Variants in SULT6B1 observed in about 807,000 individuals in gnomAD.
The protein encoded by SULT6B1 is sulfotransferase family 6B member 1, also known as sulfotransferase 6B1.
Under a neutral mutation model 37.2 loss-of-function variants are expected in SULT6B1, and 44 were observed. The ratio of observed to expected loss-of-function variants is 1.18; its 90% CI spans 0.93 to 1.52. The LOEUF is 1.52. Among genes scored for constraint, SULT6B1 ranks in the 40% most tolerant of loss-of-function variants. SULT6B1 has a pLI of 0.00. For missense variants in SULT6B1, 450 were observed against 361.0 expected (o/e 1.25, Z -2.00); for synonymous variants, 140 against 126.0 (o/e 1.11, Z -0.74).
intron 6 of SULT6B1, among the ~76,000 whole-genome samples, chr2:37,170,925 C>T (rs1042825081): frequency 1.3e-5 from 2 of 151,512 alleles, no homozygotes; most frequent in Non-Finnish European, 2.9e-5. Context: ...GACTCTCAAC[C>T]GCAGAAAGGA....
chr2:37,185,962 G>C (rs552332801), intron 2 of SULT6B1, among the ~76,000 whole-genome samples: 2 of 152,094 alleles, frequency 1.3e-5, no homozygotes, highest in African/African-American at 2.4e-5. Context: ...CTTTGGTACA[G>C]GTGACCCTCC....
intron 5 of SULT6B1, 38 bp from the exon 6 acceptor site, chr2:37,171,628 T>A (rs1374193090): frequency 6.3e-7 from 1 of 1,596,762 alleles, no homozygotes; most frequent in South Asian, 1.1e-5. Flanking sequence ...TTTCTTCCTA[T>A]GGAAATTGTT....
chr2:37,182,253 A>ATTTT (rs56665951), intron 3 of SULT6B1, among the ~76,000 whole-genome samples: 3 of 137,402 alleles, frequency 2.2e-5, no homozygotes, highest in African/African-American at 5.5e-5. Flanking sequence ...CAGAAGTTAA[A>ATTTT]TTTTTTTTTT....
intron 1 of SULT6B1, among the ~76,000 whole-genome samples, chr2:37,193,721 G>A (rs1364331648): frequency 3.3e-5 from 5 of 152,130 alleles, no homozygotes; most frequent in Admixed American, 2.6e-4. Context: ...AGGTGAAGAT[G>A]GGAGAATGGA....
chr2:37,176,457 A>T (rs1302567501), intron 4 of SULT6B1, among the ~76,000 whole-genome samples: 2 of 151,804 alleles, frequency 1.3e-5, no homozygotes, highest in African/African-American at 4.8e-5. Context: ...ACGAGGTTTC[A>T]CCATATTGGT....
intron 3 of SULT6B1, among the ~76,000 whole-genome samples, chr2:37,182,459 TA>T (rs1479868986): frequency 3.3e-5 from 5 of 152,046 alleles, no homozygotes; most frequent in Non-Finnish European, 7.4e-5. Flanking sequence ...GTTTTGCCAT[TA>T]AAAGTAATTC....
At chr2:37,191,004 G>C (rs1676769027), upstream of SULT6B1, among the ~76,000 whole-genome samples, 1 of 151,996 alleles carries the variant, frequency 6.6e-6, no homozygotes, top group Non-Finnish European at 1.5e-5. Context: ...GAGAGGGAAG[G>C]AATGAAGGGG....
intron 3 of SULT6B1, among the ~76,000 whole-genome samples, chr2:37,180,632 C>G (rs1676530161): frequency 2.0e-5 from 3 of 152,128 alleles, no homozygotes; most frequent in Non-Finnish European, 4.4e-5. Context: ...GCCTGTTATC[C>G]CAGCACTTTG....
intron 3 of SULT6B1, among the ~76,000 whole-genome samples, chr2:37,182,237 A>C (rs1348186852): frequency 6.9e-6 from 1 of 144,402 alleles, no homozygotes; most frequent in Non-Finnish European, 1.5e-5. Flanking sequence ...TCTTGCTAGC[A>C]TTCGGCAGAA....
At chr2:37,168,517 G>A (rs1244730079) in intron 6 of SULT6B1, among the ~76,000 whole-genome samples, 1 of 152,078 alleles carries the variant, frequency 6.6e-6, no homozygotes, top group African/African-American at 2.4e-5. Context: ...ATATCCATTG[G>A]GACTCCACCA....
chr2:37,193,984 A>T (rs972945618), intron 1 of SULT6B1, among the ~76,000 whole-genome samples: 1 of 152,228 alleles, frequency 6.6e-6, no homozygotes, highest in African/African-American at 2.4e-5. Flanking sequence ...CTTATCTCAA[A>T]ATGTCAAGCT....
intron 4 of SULT6B1, among the ~76,000 whole-genome samples, chr2:37,178,335 A>T (rs1676475239): frequency 6.6e-6 from 1 of 152,054 alleles, no homozygotes; most frequent in Admixed American, 6.6e-5. Flanking sequence ...CCTCCTGTTC[A>T]TGCAAGTCTT....
intron 3 of SULT6B1, among the ~76,000 whole-genome samples, chr2:37,182,980 T>C (rs920673655): frequency 6.6e-6 from 1 of 152,052 alleles, no homozygotes; most frequent in Admixed American, 6.5e-5. Context: ...AAGTCAGGAG[T>C]TCGAGACCAG....
chr2:37,180,513 G>A (rs1676527743), intron 3 of SULT6B1, among the ~76,000 whole-genome samples: 1 of 152,202 alleles, frequency 6.6e-6, no homozygotes, highest in Admixed American at 6.6e-5. Flanking sequence ...TTTTAGATTA[G>A]TAGGTGGAGT....
chr2:37,175,519 A>C (rs79798795), intron 4 of SULT6B1, among the ~76,000 whole-genome samples: 3,623 of 152,336 alleles, frequency 0.024, 66 homozygotes, highest in Middle Eastern at 0.058. Context: ...TGGATTAAAA[A>C]AATTCAGAAA....
upstream of SULT6B1, among the ~76,000 whole-genome samples, chr2:37,190,445 C>T (rs1029864421): frequency 7.9e-5 from 12 of 152,324 alleles, no homozygotes; most frequent in Admixed American, 3.9e-4. Context: ...TTATTGAGTA[C>T]TTGCATGTAC....
upstream of SULT6B1, among the ~76,000 whole-genome samples, chr2:37,190,652 A>C (rs1384928503): frequency 6.6e-6 from 1 of 152,204 alleles, no homozygotes; most frequent in Non-Finnish European, 1.5e-5. Context: ...CAGCAAACAG[A>C]GAAGATGGTG....
chr2:37,186,159 A>C (rs1451885669), intron 2 of SULT6B1, among the ~76,000 whole-genome samples: 1 of 152,112 alleles, frequency 6.6e-6, no homozygotes, highest in Admixed American at 6.5e-5. Flanking sequence ...CACCTTCCAG[A>C]AGCTGTTCCC....
At chr2:37,178,784 T>A (rs1676485338) in intron 4 of SULT6B1, among the ~76,000 whole-genome samples, 1 of 152,176 alleles carries the variant, frequency 6.6e-6, no homozygotes, top group African/African-American at 2.4e-5. Flanking sequence ...TAGCTCAGTG[T>A]CATGGTTTTT....
Sources: gnomAD v4.1 joint callset for allele counts (sites outside exome capture counted in the v4.1 genomes callset) on GRCh38, gnomAD v4.1.1 for gene constraint, MANE v1.5 for transcripts, NCBI Gene and HGNC (gene_info 2026-07-23, HGNC 2026-07-21) for gene names.